The following DNAH2 variants were observed in gnomAD, a reference collection of about 807,000 sequenced individuals.
DNAH2 encodes the protein dynein axonemal heavy chain 2, also known as axonemal beta dynein heavy chain 2.
In DNAH2, 323 loss-of-function variants were observed where a neutral mutation model predicts 523.5. The ratio of observed to expected loss-of-function variants is 0.62; its 90% CI spans 0.56 to 0.68. The LOEUF (loss-of-function observed/expected upper bound fraction) is 0.68, where lower values mean the gene tolerates loss of function less well. Among genes scored for constraint, DNAH2 ranks in the 30% least tolerant of loss-of-function variants. DNAH2 has a pLI of 0.00. For missense variants in DNAH2, 4,907 were observed against 5,701.5 expected (o/e 0.86, Z 4.49); for synonymous variants, 2,093 against 2,177.4 (o/e 0.96, Z 1.08).
chr17:7,775,040 C>T, intron 29 of DNAH2, 64 bp downstream of exon 29: 1 of 1,521,444 alleles, frequency 6.6e-7, no homozygotes, highest in Non-Finnish European at 9.0e-7. Flanking sequence ...GTATGAAAAG[C>T]TTTGGAGGGG....
chr17:7,764,327 G>A (rs559974023), intron 20 of DNAH2, 54 bp downstream of exon 20: 33 of 1,552,880 alleles, frequency 2.1e-5, no homozygotes, highest in Admixed American at 5.6e-5. Flanking sequence ...AGCAGATTGC[G>A]GGGGAGGCCC....
chr17:7,799,000 A>C lies in DNAH2; in HGVS notation c.8560-103A>C, dbSNP rs1329928924. 1.6e-5 allele frequency: 23 copies of C among 1,482,290 alleles called. 2 individuals carry two copies. Among genetic ancestry groups the C allele is most frequent in the Non-Finnish European group, 9.1e-7 (1 of 1,101,050 alleles). The allele number at this position is 1,482,290 out of a possible 1,614,324, so 91.8% of individuals were successfully genotyped here. A position where few individuals can be genotyped will look rare whatever the true frequency, so the allele number is the denominator to read the frequency against. ...AGGATGGTTTGAGGCCAGGAGTTCA[A>C]GTCCAGCCTGGGAAACACTTCGTCA... On this transcript the variant is annotated intron_variant, in intron 55 of 85. Transcript: ENST00000572933. The surrounding 1 kb of genome is among the most constrained non-coding windows in gnomAD (Gnocchi z 5.5).
At chr17:7,770,148 A>G in intron 24 of DNAH2, 104 bp from the exon 25 acceptor site, 2 of 1,416,128 alleles carry the variant, frequency 1.4e-6, no homozygotes, top group Non-Finnish European at 1.9e-6. Flanking sequence ...AAATGAGTTG[A>G]ATCATGAATT....
chr17:7,823,865 A>T lies in DNAH2; in HGVS notation c.11361A>T (p.Gln3787His). 6.2e-7 allele frequency: 1 copy of T among 1,614,128 alleles called. No individual in the cohort carries two copies. Among genetic ancestry groups the T allele is most frequent in the Non-Finnish European group, 8.5e-7 (1 of 1,180,020 alleles). ...GEWENACNEMQRMLIVRSLRQ... is the reference protein window; with the variant it reads ...GEWENACNEMHRMLIVRSLRQ... ...GGGAAAATGCCTGCAATGAAATGCA[A>T]CGGATGCTGATCGTTCGCTCCCTGC... The change falls in exon 75 of 86, where the codon CAA becomes CAT. Residue 3787 changes from glutamine (Q) to histidine (H), a missense_variant. By Grantham distance (24) the Gln-to-His change is conservative. Around this residue, in one of 3 missense-constraint regions of DNAH2, gnomAD observed 1,851 missense variants for 2,139.4 expected, o/e 0.87. Transcript: ENST00000572933.
At chr17:7,776,643 C>T in intron 31 of DNAH2, 136 bp from the exon 32 acceptor site, 1 of 635,716 alleles carries the variant, frequency 1.6e-6, no homozygotes, top group South Asian at 1.7e-5. Flanking sequence ...GACCTGAGGC[C>T]CATGTCCCAT....
rs559009505 is a variant in DNAH2 at position 7,833,226 on chromosome 17, GA to G, written c.13129+6del. ...GCCGCAAGAAGAGCGCCAAGGGTGG[GA>G]CAGCTCCCCAGGCAGGACCTGCCTG... On this transcript the variant is annotated splice_donor_region_variant and intron_variant, in intron 85 of 85. Coordinates refer to ENST00000572933, the MANE Select transcript of DNAH2 (RefSeq NM_020877.5). 1.3e-4 allele frequency: 214 copies of G among 1,606,786 alleles called. No individual in the cohort carries two copies. The African/African-American group carries it at 2.6e-3, about 19-fold the overall frequency.
chr17:7,781,821 C>T (rs1461258878), intron 39 of DNAH2, among the ~76,000 whole-genome samples: 1 of 152,148 alleles, frequency 6.6e-6, no homozygotes, highest in African/African-American at 2.4e-5. Flanking sequence ...CTCACCTCAT[C>T]AGGGAGTTTT....
At chr17:7,787,777 G>A in intron 42 of DNAH2, 83 bp from the exon 43 acceptor site, 1 of 1,334,486 alleles carries the variant, frequency 7.5e-7, no homozygotes, top group South Asian at 1.5e-5. Context: ...TGAACTTGTA[G>A]CATCCGAGTT....
chr17:7,801,914 C>T lies in DNAH2; in HGVS notation c.8869C>T (p.His2957Tyr), dbSNP rs1372576961. ...RKVAQIFVTM[H>Y]WSVAQYSQKM... ...GGTGGCCCAGATCTTTGTCACTATG[C>T]ACTGGTCAGTAGCTCAGTATTCCCA... The change falls in exon 58 of 86, where the codon CAC becomes TAC. Residue 2957 changes from histidine to tyrosine, a missense_variant. This residue lies in a region of DNAH2 where 1,851 missense variants were observed against 2,139.4 expected (regional missense o/e 0.87). Transcript: ENST00000572933. 1 of 1,614,126 alleles carries T rather than the reference C, an allele frequency of 6.2e-7. No homozygotes were observed. Among genetic ancestry groups the T allele is most frequent in the Non-Finnish European group, 8.5e-7 (1 of 1,180,056 alleles).
At chr17:7,772,242 C>T (rs1370249167) in intron 28 of DNAH2, among the ~76,000 whole-genome samples, 1 of 152,054 alleles carries the variant, frequency 6.6e-6, no homozygotes, top group Non-Finnish European at 1.5e-5. Flanking sequence ...CTTTATTTTA[C>T]CTAGGGCTAG....
chr17:7,797,600 A>T (rs2077101850), intron 52 of DNAH2, 70 bp downstream of exon 52: 3 of 1,613,738 alleles, frequency 1.9e-6, no homozygotes, highest in South Asian at 2.2e-5. Flanking sequence ...GAGTCAGGGC[A>T]TGGGGTCTGA....
At chr17:7,723,803 G>A in intron 3 of DNAH2, 114 bp downstream of exon 3, 1 of 922,134 alleles carries the variant, frequency 1.1e-6, no homozygotes, top group Non-Finnish European at 1.7e-6. Context: ...TCTTCTACTT[G>A]CTCTCTGCTG....
intron 12 of DNAH2, among the ~76,000 whole-genome samples, chr17:7,750,939 T>C (rs535678463): frequency 1.3e-5 from 2 of 152,288 alleles, no homozygotes; most frequent in East Asian, 3.9e-4. Flanking sequence ...TAATTCAGTG[T>C]AGAAAAGACT....
chr17:7,815,441 G>A (rs1284197973), intron 63 of DNAH2, among the ~76,000 whole-genome samples: 2 of 152,086 alleles, frequency 1.3e-5, no homozygotes, highest in Non-Finnish European at 2.9e-5. Context: ...TGAAAAGGAC[G>A]GTGATACAGT....
At chr17:7,771,717 TA>T (rs369661786) in intron 28 of DNAH2, among the ~76,000 whole-genome samples, 24 of 151,280 alleles carry the variant, frequency 1.6e-4, no homozygotes, top group Admixed American at 2.6e-4. Context: ...ATTTATTTAT[TA>T]AAAAAAATTT....
intron 30 of DNAH2, 144 bp from the exon 31 acceptor site, chr17:7,775,880 C>G: frequency 8.9e-7 from 1 of 1,123,394 alleles, no homozygotes; most frequent in Non-Finnish European, 1.2e-6. Flanking sequence ...CCATTTCTCT[C>G]AGGAACGCAA....
In DNAH2 at chr17:7,770,801, G is replaced by A. The variant is rs535282194; in HGVS notation, c.4230G>A (p.Leu1410=). The change falls in exon 27 of 86, where the codon CTG becomes CTA. Residue 1410 remains leucine, a synonymous_variant. Transcript: ENST00000572933. The stretch of plus-strand genomic sequence containing the variant: ...CACTGGAAGATAACCAGGTAGCTCT[G>A]TCTACCATGAAGGCATCACGCTTTG... The part of the protein sequence containing the change: ...FQALEDNQVA[L]STMKASRFVK... 3.1e-6 allele frequency: 5 copies of A among 1,614,172 alleles called. No individual in the cohort carries two copies. In the African/African-American group the frequency reaches 4.0e-5, roughly 13 times the overall value.
At position 7,804,425 on chromosome 17, in the gene DNAH2, A is replaced by G; in HGVS notation, c.9142A>G (p.Ile3048Val). Reference sequence around the variant, plus strand: ...GAAGCAGTGTGAGGAGTACCTGGTCATCATTGTGCAGCAGAAGCGGGAGGC... The same window carrying G: ...GAAGCAGTGTGAGGAGTACCTGGTCGTCATTGTGCAGCAGAAGCGGGAGGC... ...FQKQCEEYLV[I>V]IVQQKREADE... Residue 3048 changes from isoleucine (I) to valine (V), a missense_variant, in exon 59 of 86, where the codon ATC (isoleucine) becomes GTC (valine). Ile to Val is a conservative substitution (Grantham distance 29, BLOSUM62 3). Transcript: ENST00000572933. 6.2e-7 allele frequency: 1 copy of G among 1,614,112 alleles called. No individual in the cohort carries two copies. The highest frequency in any genetic ancestry group is 1.3e-5 in the African/African-American group (1 of 75,052).
At position 7,818,973 on chromosome 17, in the gene DNAH2, G is replaced by A. The variant is rs563648672; in HGVS notation, c.10725G>A (p.Thr3575=). ...SLLDDVQLVN[T]LHTSKITATE... ...TGGATGATGTGCAGCTGGTGAACACGCTGCATACCTCCAAGATCACAGCCA... is the reference window on the plus strand; with the variant it reads ...TGGATGATGTGCAGCTGGTGAACACACTGCATACCTCCAAGATCACAGCCA... The change falls in exon 71 of 86, where the codon ACG becomes ACA. Residue 3575 remains threonine, a synonymous_variant. Coordinates refer to ENST00000572933, the MANE Select transcript of DNAH2 (RefSeq NM_020877.5). 31 of 1,611,948 alleles carry A rather than the reference G, an allele frequency of 1.9e-5. No homozygotes were observed. Among genetic ancestry groups the A allele is most frequent in the South Asian group, 8.8e-5 (8 of 91,078 alleles).
Sources: gnomAD v4.1 joint callset for allele counts (sites outside exome capture counted in the v4.1 genomes callset) on GRCh38, gnomAD v4.1.1 for gene constraint, gnomAD v4.1.1 regional missense constraint, Gnocchi (gnomAD v3.1) non-coding constraint, MANE v1.5 for transcripts, NCBI Gene and HGNC (gene_info 2026-07-23, HGNC 2026-07-21) for gene names.